The following ADGRV1 variants were observed in gnomAD, a reference collection of about 807,000 sequenced individuals.
The protein encoded by ADGRV1 is adhesion G protein-coupled receptor V1, also known as G-protein coupled receptor 98.
Under a neutral mutation model 596.2 loss-of-function variants are expected in ADGRV1, and 359 were observed. The ratio of observed to expected loss-of-function variants is 0.60; its 90% confidence interval spans 0.55 to 0.66. The LOEUF (loss-of-function observed/expected upper bound fraction) is 0.66. ADGRV1 is among the 30% of genes least tolerant of loss of function. ADGRV1 has a pLI of 0.00. For synonymous variants in ADGRV1, 2,681 were observed against 2,679.2 expected (o/e 1.00, Z -0.02); for missense variants, 7,274 against 7,575.6 (o/e 0.96, Z 1.48).
chr5:90,778,839 CA>C, intron 63 of ADGRV1, 25 bp from the exon 64 acceptor site: 1 of 1,568,044 alleles, frequency 6.4e-7, no homozygotes, highest in South Asian at 1.2e-5. Flanking sequence ...ACATCCAAAT[CA>C]AATAAGAAAA....
At chr5:90,922,990 C>G (rs1266298128) in intron 83 of ADGRV1, among the ~76,000 whole-genome samples, 1 of 151,794 alleles carries the variant, frequency 6.6e-6, no homozygotes, top group Non-Finnish European at 1.5e-5. Context: ...TACTGAGGGA[C>G]TTGATTTGTA....
chr5:90,623,997 T>C (rs1167815942), intron 5 of ADGRV1, among the ~76,000 whole-genome samples: 1 of 152,196 alleles, frequency 6.6e-6, no homozygotes, highest in Non-Finnish European at 1.5e-5. Context: ...TTTCAAACAT[T>C]AGAGTATTAG....
intron 86 of ADGRV1, among the ~76,000 whole-genome samples, chr5:91,095,192 T>C (rs1790747020): frequency 6.6e-6 from 1 of 151,800 alleles, no homozygotes; most frequent in Non-Finnish European, 1.5e-5. Context: ...CTTTGAACAA[T>C]TTGCAAACCC....
chr5:90,857,401 G>A, intron 82 of ADGRV1, among the ~76,000 whole-genome samples: 1 of 151,544 alleles, frequency 6.6e-6, no homozygotes. Context: ...AAAAAAAAAA[G>A]GAGTTTTAAA....
At chr5:91,118,020 G>T (rs1793003038) in intron 87 of ADGRV1, among the ~76,000 whole-genome samples, 1 of 152,136 alleles carries the variant, frequency 6.6e-6, no homozygotes, top group South Asian at 2.1e-4. Flanking sequence ...AGTGTTATTT[G>T]TAATTATTCT....
intron 83 of ADGRV1, among the ~76,000 whole-genome samples, chr5:90,896,876 G>A (rs903899842): frequency 2.0e-5 from 3 of 152,154 alleles, no homozygotes; most frequent in African/African-American, 7.2e-5. Context: ...AGCATTAATT[G>A]GGCAAGAAGG....
chr5:90,936,818 A>G (rs1457113740), intron 83 of ADGRV1, among the ~76,000 whole-genome samples: 1 of 152,064 alleles, frequency 6.6e-6, no homozygotes, highest in Non-Finnish European at 1.5e-5. Flanking sequence ...TTTCTTAAAC[A>G]TATGGTTTTT....
At chr5:90,686,639 A>G (rs1455684548) in intron 29 of ADGRV1, among the ~76,000 whole-genome samples, 1 of 152,132 alleles carries the variant, frequency 6.6e-6, no homozygotes, top group African/African-American at 2.4e-5. Flanking sequence ...GTTGGTTCCA[A>G]GCCTTTGCTA....
chr5:90,767,550 A>C (rs920303885), intron 59 of ADGRV1, among the ~76,000 whole-genome samples: 7 of 152,228 alleles, frequency 4.6e-5, no homozygotes, highest in Non-Finnish European at 1.0e-4. Context: ...TACAGCAGAT[A>C]TAGAAAGTCT....
chr5:91,081,061 CCA>C (rs1373093610), intron 86 of ADGRV1, among the ~76,000 whole-genome samples: 1 of 152,224 alleles, frequency 6.6e-6, no homozygotes, highest in Admixed American at 6.5e-5. Flanking sequence ...TGTCACAGTT[CCA>C]GAGACTGGAA....
intron 21 of ADGRV1, among the ~76,000 whole-genome samples, chr5:90,661,195 G>A (rs757268157): frequency 2.2e-4 from 33 of 152,072 alleles, no homozygotes; most frequent in African/African-American, 8.0e-4. Context: ...CTGTTTTTAC[G>A]TGTCCTGCCA....
At chr5:90,778,725 ATTT>A (rs1422864232) in intron 63 of ADGRV1, 116 bp downstream of exon 63, 2 of 1,038,572 alleles carry the variant, frequency 1.9e-6, no homozygotes, top group African/African-American at 3.2e-5. Context: ...AAACATCATT[ATTT>A]TAACATATAA....
chr5:90,573,867 T>C (rs1469845314), intron 1 of ADGRV1, among the ~76,000 whole-genome samples: 1 of 152,230 alleles, frequency 6.6e-6, no homozygotes, highest in Non-Finnish European at 1.5e-5. Flanking sequence ...CATGTGAGCA[T>C]GTGTGCATGT....
chr5:91,015,697 C>T lies in ADGRV1; in HGVS notation c.18152+30175C>T, dbSNP rs144816509. On this transcript the variant is annotated intron_variant, in intron 85 of 89. Transcript: ENST00000405460. ...AGTCTGTTTTGTCTGAAATTAGAATCGCAACTTCTGCTTTTTTCTGTTTTC... is the reference window on the plus strand; with the variant it reads ...AGTCTGTTTTGTCTGAAATTAGAATTGCAACTTCTGCTTTTTTCTGTTTTC... Among the ~76,000 whole-genome samples, 1,236 of 151,944 alleles carry T rather than the reference C, an allele frequency of 8.1e-3. 12 individuals are homozygous for T. The highest frequency in any genetic ancestry group is 0.027 in the African/African-American group (1,105 of 41,490).
At chr5:90,755,949 G>A (rs1239125056) in intron 55 of ADGRV1, among the ~76,000 whole-genome samples, 2 of 150,960 alleles carry the variant, frequency 1.3e-5, no homozygotes, top group Non-Finnish European at 3.0e-5. Context: ...AAAGATATAA[G>A]GGATGGGATA....
At position 90,697,026 on chromosome 5, in the gene ADGRV1, G is replaced by A; in HGVS notation, c.8035G>A (p.Glu2679Lys). Residue 2679 changes from glutamate (E) to lysine (K), a missense_variant, in exon 34 of 90, where the codon GAA (glutamate) becomes AAA (lysine). Around this residue, in one of 5 missense-constraint regions of ADGRV1, gnomAD observed 3,643 missense variants for 3,809.2 expected, o/e 0.96. Coordinates refer to ENST00000405460, the MANE Select transcript of ADGRV1 (RefSeq NM_032119.4). The part of the protein sequence containing the change: ...ESIIVSLVYT[E>K]GGSRILPSSD... ...TATCATAGTTAGTTTGGTGTACACT[G>A]AAGGTGGAAGTAGAATTTTGCCAAG... is the stretch of plus-strand genomic sequence containing the variant. The A allele has an allele frequency of 6.2e-7, 1 of 1,613,366 alleles. No homozygotes were observed. Among genetic ancestry groups the A allele is most frequent in the Non-Finnish European group, 8.5e-7 (1 of 1,179,462 alleles).
chr5:91,155,654 A>G (rs1441008873), intron 89 of ADGRV1, among the ~76,000 whole-genome samples: 2 of 152,232 alleles, frequency 1.3e-5, no homozygotes, highest in Admixed American at 1.3e-4. Flanking sequence ...CCAGAACACT[A>G]GCAATACAAT....
chr5:90,838,210 G>A (rs1055004227), intron 77 of ADGRV1, among the ~76,000 whole-genome samples: 1 of 151,506 alleles, frequency 6.6e-6, no homozygotes, highest in African/African-American at 2.4e-5. Context: ...TTATTTTATC[G>A]TTACACTGCA....
At chr5:91,121,482 G>A (rs1351447364) in intron 87 of ADGRV1, among the ~76,000 whole-genome samples, 1 of 152,100 alleles carries the variant, frequency 6.6e-6, no homozygotes. Flanking sequence ...AATACATGGG[G>A]CAACTCAAAA....
Sources: gnomAD v4.1 joint callset for allele counts (sites outside exome capture counted in the v4.1 genomes callset) on GRCh38, gnomAD v4.1.1 for gene constraint, gnomAD v4.1.1 regional missense constraint, MANE v1.5 for transcripts, NCBI Gene and HGNC (gene_info 2026-07-23, HGNC 2026-07-21) for gene names.